LRRC4C: variants seen among roughly 807,000 people sequenced by gnomAD.
LRRC4C encodes leucine-rich repeat-containing protein 4C.
Under a neutral mutation model 33.6 loss-of-function variants are expected in LRRC4C, and 5 were observed. The observed-to-expected ratio is 0.15, with a 90% CI of 0.08 to 0.31. The LOEUF (loss-of-function observed/expected upper bound fraction) is 0.31. LRRC4C is among the 10% of genes least tolerant of loss of function. The pLI, the probability that LRRC4C is intolerant of heterozygous loss-of-function variation, is 1.00. For missense variants in LRRC4C, 560 were observed against 796.7 expected, an observed-to-expected ratio of 0.70 and a Z score of 3.58; for synonymous variants, 329 against 302.0, an observed-to-expected ratio of 1.09 and a Z score of -0.93.
At chr11:40,585,475 T>A (rs1359419847) in intron 3 of LRRC4C, among the ~76,000 whole-genome samples, 5 of 135,344 alleles carry the variant, frequency 3.7e-5, no homozygotes, top group African/African-American at 8.5e-5. Context: ...ATTTGTTATT[T>A]CTTTTTTTTT....
intron 3 of LRRC4C, among the ~76,000 whole-genome samples, chr11:40,511,688 C>T (rs531948079): frequency 6.6e-6 from 1 of 152,230 alleles, no homozygotes; most frequent in African/African-American, 2.4e-5. Context: ...CAGGGAATGC[C>T]ACACTTAGTA....
intron 1 of LRRC4C, among the ~76,000 whole-genome samples, chr11:40,947,053 A>AT (rs1165446076): frequency 1.3e-5 from 2 of 151,968 alleles, no homozygotes; most frequent in Non-Finnish European, 2.9e-5. Flanking sequence ...GAAGTCGTAC[A>AT]TTTTTTTTCT....
intron 4 of LRRC4C, among the ~76,000 whole-genome samples, chr11:40,276,674 A>AGTGTGTGTGTGTGTGTGTGTGT (rs56155922): frequency 7.8e-6 from 1 of 127,554 alleles, no homozygotes; most frequent in Non-Finnish European, 1.7e-5. Context: ...GTGGGAAACA[A>AGTGTGTGTGTGTGTGTGTGTGT]GTGTGTGTGT....
At chr11:40,916,402 A>G (rs1183369907) in intron 2 of LRRC4C, among the ~76,000 whole-genome samples, 1 of 152,188 alleles carries the variant, frequency 6.6e-6, no homozygotes, top group Non-Finnish European at 1.5e-5. Context: ...TTGTAGGGAC[A>G]TGGATGAAGC....
At chr11:41,331,904 C>T (rs780413635) in intron 1 of LRRC4C, among the ~76,000 whole-genome samples, 9 of 152,150 alleles carry the variant, frequency 5.9e-5, no homozygotes, top group Non-Finnish European at 1.3e-4. Flanking sequence ...CAACATACTT[C>T]CAAAGACAGA....
At chr11:41,166,430 C>T (rs1229089650) in intron 1 of LRRC4C, among the ~76,000 whole-genome samples, 1 of 152,150 alleles carries the variant, frequency 6.6e-6, no homozygotes, top group Non-Finnish European at 1.5e-5. Context: ...TATAGTCAGA[C>T]CTTAACACTT....
chr11:40,763,428 C>T (rs752306423), intron 2 of LRRC4C, among the ~76,000 whole-genome samples: 1 of 152,106 alleles, frequency 6.6e-6, no homozygotes, highest in South Asian at 2.1e-4. Flanking sequence ...TGATCATCCC[C>T]ACTGCTGCCC....
intron 3 of LRRC4C, among the ~76,000 whole-genome samples, chr11:40,499,939 G>A (rs1464376508): frequency 6.6e-6 from 1 of 152,062 alleles, no homozygotes; most frequent in Admixed American, 6.6e-5. Context: ...GTAGGAATCA[G>A]AGAGAAGGGA....
At chr11:41,457,112 G>A (rs1956193648) in intron 1 of LRRC4C, among the ~76,000 whole-genome samples, 1 of 151,926 alleles carries the variant, frequency 6.6e-6, no homozygotes, top group Admixed American at 6.6e-5. Context: ...TGTTGTTGTT[G>A]TTTTGTTTTG....
At chr11:40,945,132 C>A (rs1182621513) in intron 1 of LRRC4C, among the ~76,000 whole-genome samples, 1 of 150,280 alleles carries the variant, frequency 6.7e-6, no homozygotes, top group Non-Finnish European at 1.5e-5. Flanking sequence ...GGTTCACATG[C>A]CATTCTCCTG....
chr11:40,822,464 G>A (rs1221610182), intron 2 of LRRC4C, among the ~76,000 whole-genome samples: 1 of 151,558 alleles, frequency 6.6e-6, no homozygotes, highest in Non-Finnish European at 1.5e-5. Context: ...GAATGATGCT[G>A]CAATAAACAG....
chr11:40,738,201 A>C (rs1947981634), intron 2 of LRRC4C, among the ~76,000 whole-genome samples: 1 of 152,250 alleles, frequency 6.6e-6, no homozygotes, highest in South Asian at 2.1e-4. Flanking sequence ...CCTTCCCTAC[A>C]CCTTTTGCAA....
chr11:41,441,523 C>A (rs1180163763), intron 1 of LRRC4C, among the ~76,000 whole-genome samples: 1 of 150,778 alleles, frequency 6.6e-6, no homozygotes, highest in African/African-American at 2.4e-5. Flanking sequence ...GTTTTCTCAG[C>A]CTCCATTTTA....
intron 1 of LRRC4C, among the ~76,000 whole-genome samples, chr11:41,325,965 G>A (rs1277950561): frequency 6.6e-6 from 1 of 152,092 alleles, no homozygotes; most frequent in Non-Finnish European, 1.5e-5. Flanking sequence ...TGTGACATGT[G>A]TTTACTTATG....
intron 4 of LRRC4C, among the ~76,000 whole-genome samples, chr11:40,294,906 C>A (rs1013314016): frequency 6.6e-6 from 1 of 151,930 alleles, no homozygotes; most frequent in African/African-American, 2.4e-5. Context: ...AAAAGCTACT[C>A]GGGAGGGAGG....
chr11:40,905,078 T>C (rs765599802), intron 2 of LRRC4C, among the ~76,000 whole-genome samples: 20 of 152,020 alleles, frequency 1.3e-4, no homozygotes, highest in Non-Finnish European at 2.6e-4. Context: ...AAGTCTGAAG[T>C]TGTACAGGAG....
At chr11:41,072,587 C>T (rs748953350) in intron 1 of LRRC4C, among the ~76,000 whole-genome samples, 8 of 152,010 alleles carry the variant, frequency 5.3e-5, no homozygotes, top group Non-Finnish European at 8.8e-5. Flanking sequence ...CTGAGACCTC[C>T]GCAGCCATGC....
At chr11:41,183,707 C>T (rs1945558336) in intron 1 of LRRC4C, among the ~76,000 whole-genome samples, 1 of 152,182 alleles carries the variant, frequency 6.6e-6, no homozygotes, top group South Asian at 2.1e-4. Flanking sequence ...GGACAGTGGC[C>T]CTCTTCTCAC....
chr11:40,473,389 A>G (rs1244841393), intron 3 of LRRC4C, among the ~76,000 whole-genome samples: 1 of 152,224 alleles, frequency 6.6e-6, no homozygotes, highest in African/African-American at 2.4e-5. Flanking sequence ...AAGGCCTTCC[A>G]TAAAATTAAA....
Sources: allele counts gnomAD v4.1 joint callset (sites outside exome capture counted in the v4.1 genomes callset), GRCh38; gene constraint gnomAD v4.1.1; transcripts MANE v1.5; gene names NCBI Gene and HGNC (gene_info 2026-07-23, HGNC 2026-07-21).